CCR3: variants seen among roughly 807,000 people sequenced by gnomAD.
CCR3 encodes C-C chemokine receptor type 3.
For synonymous variants in CCR3, 203 were observed against 179.2 expected (o/e 1.13, Z -1.06); for missense variants, 419 against 437.5 (o/e 0.96, Z 0.38).
chr3:46,231,596 A>C (rs1699966879), intron 2 of CCR3, among the ~76,000 whole-genome samples: 1 of 152,210 alleles, frequency 6.6e-6, no homozygotes, highest in Non-Finnish European at 1.5e-5. Flanking sequence ...TCGTATACTT[A>C]AAAATGTGCC....
At position 46,224,601 on chromosome 3, in the gene CCR3, G is replaced by A. The variant is rs575585136; in HGVS notation, c.-68+13694G>A. ...AAAATACAAAAATTAGCCAGGCATC[G>A]TGGCACACACCTGTAATCCCAGCTA... On this transcript the variant is annotated intron_variant, in intron 2 of 3. Transcript: ENST00000357422. 1.2e-4 allele frequency among the ~76,000 whole-genome samples: 18 copies of A among 152,062 alleles called. No individual in the cohort carries two copies. The East Asian group carries it at 1.7e-3, about 15-fold the overall frequency.
At position 46,242,500 on chromosome 3, in the gene CCR3, G is replaced by T. The variant is rs1399693383; in HGVS notation, c.-50G>T. On this transcript the variant is annotated 5_prime_UTR_variant, in exon 1 of 2. Coordinates refer to ENST00000395940, the MANE Select transcript of CCR3 (RefSeq NM_178329.3). ...GTGCTTATCCGGGCAAGAACTTATC[G>T]AAATACAATAGAAGTTTTTACTTAG... The T allele has an allele frequency of 6.6e-6, 1 of 152,026 alleles. No homozygotes were observed. The highest frequency in any genetic ancestry group is 1.5e-5 in the Non-Finnish European group (1 of 68,022). The allele number at this position is 152,026 out of a possible 1,614,324, so 9.4% of individuals were successfully genotyped here. A position where few individuals can be genotyped will look rare whatever the true frequency, so the allele number is the denominator to read the frequency against.
intron 1 of CCR3, among the ~76,000 whole-genome samples, chr3:46,254,807 G>A (rs1455688905): frequency 1.3e-5 from 2 of 152,104 alleles, no homozygotes; most frequent in African/African-American, 4.8e-5. Context: ...TGCTGCAAAT[G>A]CCATTATTTC....
intron 1 of CCR3, among the ~76,000 whole-genome samples, chr3:46,249,883 T>C (rs1700272393): frequency 6.6e-6 from 1 of 151,980 alleles, no homozygotes; most frequent in Admixed American, 6.6e-5. Context: ...CTTTTTTTTT[T>C]TATCATTGTA....
intron 2 of CCR3, among the ~76,000 whole-genome samples, chr3:46,235,495 A>G (rs1271059920): frequency 6.6e-6 from 1 of 152,240 alleles, no homozygotes; most frequent in Non-Finnish European, 1.5e-5. Context: ...AAGAAAATTG[A>G]AACTTTCACA....
chr3:46,261,338 G>T (rs984952574), intron 1 of CCR3, among the ~76,000 whole-genome samples: 10 of 152,150 alleles, frequency 6.6e-5, no homozygotes, highest in South Asian at 2.1e-4. Context: ...ACAATAAAAA[G>T]TGTCTCTAGC....
intron 1 of CCR3, among the ~76,000 whole-genome samples, chr3:46,246,402 G>A (rs529284357): frequency 1.6e-4 from 24 of 152,192 alleles, no homozygotes; most frequent in East Asian, 7.7e-4. Flanking sequence ...GGGTGGGGCC[G>A]TTTTATAGGA....
At chr3:46,256,989 T>C (rs1413584495) in intron 1 of CCR3, among the ~76,000 whole-genome samples, 1 of 151,750 alleles carries the variant, frequency 6.6e-6, no homozygotes. Context: ...CACAAAGTTG[T>C]AGTAGTAATG....
intron 2 of CCR3, among the ~76,000 whole-genome samples, chr3:46,226,045 C>T (rs905804412): frequency 2.0e-5 from 3 of 152,198 alleles, no homozygotes; most frequent in African/African-American, 7.2e-5. Flanking sequence ...GTATGTCTAT[C>T]TCTCTGCCAA....
intron 2 of CCR3, among the ~76,000 whole-genome samples, chr3:46,228,951 T>C (rs751352612): frequency 6.6e-6 from 1 of 152,262 alleles, no homozygotes; most frequent in African/African-American, 2.4e-5. Context: ...TTATCAAAAA[T>C]GATAATGTTA....
intron 1 of CCR3, among the ~76,000 whole-genome samples, chr3:46,249,847 C>T (rs1001847998): frequency 1.3e-5 from 2 of 151,184 alleles, no homozygotes; most frequent in African/African-American, 4.9e-5. Flanking sequence ...TGGGGTTTGT[C>T]TCACAGTGGA....
At chr3:46,213,090 G>A (rs997365308) in intron 2 of CCR3, among the ~76,000 whole-genome samples, 1 of 152,224 alleles carries the variant, frequency 6.6e-6, no homozygotes, top group Non-Finnish European at 1.5e-5. Context: ...ACAGTCTCTT[G>A]TAATAATTCT....
chr3:46,227,776 A>G (rs954799896), intron 2 of CCR3, among the ~76,000 whole-genome samples: 3 of 152,160 alleles, frequency 2.0e-5, no homozygotes, highest in Admixed American at 6.6e-5. Flanking sequence ...TTCCTCTTTG[A>G]CCCATAAATT....
chr3:46,243,193 A>T (rs1035781688), intron 1 of CCR3, among the ~76,000 whole-genome samples: 5 of 151,900 alleles, frequency 3.3e-5, no homozygotes, highest in African/African-American at 1.2e-4. Context: ...GATTACTTGT[A>T]ATACCTAATA....
At chr3:46,249,417 A>C (rs917317256) in intron 1 of CCR3, among the ~76,000 whole-genome samples, 1 of 152,166 alleles carries the variant, frequency 6.6e-6, no homozygotes, top group African/African-American at 2.4e-5. Flanking sequence ...TATGGAGGCA[A>C]GGGAAACAGG....
intron 2 of CCR3, among the ~76,000 whole-genome samples, chr3:46,215,296 C>T (rs1699761182): frequency 6.6e-6 from 1 of 152,094 alleles, no homozygotes; most frequent in Non-Finnish European, 1.5e-5. Flanking sequence ...TTAGGTAGGG[C>T]CTGGAAGTAG....
At chr3:46,223,248 G>A (rs1386742643) in intron 2 of CCR3, among the ~76,000 whole-genome samples, 1 of 152,168 alleles carries the variant, frequency 6.6e-6, no homozygotes, top group East Asian at 1.9e-4. Context: ...GCAGAGGGAG[G>A]AGAACTGCTT....
chr3:46,236,933 C>A (rs956400575), intron 2 of CCR3, among the ~76,000 whole-genome samples: 1 of 152,210 alleles, frequency 6.6e-6, no homozygotes, highest in African/African-American at 2.4e-5. Context: ...AGAAAGGAGG[C>A]AGCTGCCTCT....
Position 46,265,639 on chromosome 3 carries a change from G to A in CCR3, c.481G>A (p.Ala161Thr), listed in dbSNP as rs960283822. Residue 161 changes from alanine (A) to threonine (T), a missense_variant, in exon 2 of 2, where the codon GCA (alanine) becomes ACA (threonine). Coordinates refer to ENST00000395940, the MANE Select transcript of CCR3 (RefSeq NM_178329.3). ...CACCAGCATCGTCACCTGGGGCCTG[G>A]CAGTGCTAGCAGCTCTTCCTGAATT... ...VITSIVTWGL[A>T]VLAALPEFIF... 1 of 1,614,114 alleles carries A rather than the reference G, an allele frequency of 6.2e-7. No homozygotes were observed. Among genetic ancestry groups the A allele is most frequent in the Non-Finnish European group, 8.5e-7 (1 of 1,179,994 alleles).
Sources: allele counts gnomAD v4.1 joint callset (sites outside exome capture counted in the v4.1 genomes callset), GRCh38; gene constraint gnomAD v4.1.1; transcripts MANE v1.5; gene names NCBI Gene and HGNC (gene_info 2026-07-23, HGNC 2026-07-21).